Variants in FADS1 observed in about 807,000 individuals in gnomAD.
The protein encoded by FADS1 is fatty acid desaturase 1, also known as acyl-CoA (8-3)-desaturase.
In FADS1, 17 loss-of-function variants were observed where a neutral mutation model predicts 61.6. The observed-to-expected ratio is 0.28, with a 90% CI of 0.19 to 0.41. The LOEUF (loss-of-function observed/expected upper bound fraction) is 0.41, where lower values mean the gene tolerates loss of function less well. Among genes scored for constraint, FADS1 ranks in the 10% least tolerant of loss-of-function variants. The probability of loss-of-function intolerance (pLI) is 1.00; values close to 1 mark genes in which losing one functional copy is unlikely to be tolerated. For missense variants in FADS1, 387 were observed against 650.9 expected, an observed-to-expected ratio of 0.59 and a Z score of 4.41; for synonymous variants, 238 against 258.7, an observed-to-expected ratio of 0.92 and a Z score of 0.77.
chr11:61,810,689 C>T, intron 5 of FADS1, 62 bp downstream of exon 5: 3 of 1,597,940 alleles, frequency 1.9e-6, no homozygotes, highest in Non-Finnish European at 2.6e-6. Context: ...GCATCTTCCC[C>T]AACTCCCCTA....
At position 61,802,609 on chromosome 11, in the gene FADS1, A is replaced by T. The variant is rs2066864134; in HGVS notation, c.1455-147T>A. The T allele has an allele frequency of 8.3e-7, 1 of 1,210,520 alleles. No individual in the cohort carries two copies. Among genetic ancestry groups the T allele is most frequent in the Non-Finnish European group, 1.2e-6 (1 of 849,074 alleles). The allele number at this position is 1,210,520 out of a possible 1,614,324, so 75.0% of individuals were successfully genotyped here. A position where few individuals can be genotyped will look rare whatever the true frequency, so the allele number is the denominator to read the frequency against. On this transcript the variant is annotated intron_variant, in intron 11 of 11. Transcript: ENST00000350997. The surrounding 1 kb of genome is among the most constrained non-coding windows in gnomAD (Gnocchi z 4.2). ...AAAGCTAGCTTGGGCCATGGTACTG[A>T]GGGGAACCCCAATGAGGGCAAAGGC...
intron 3 of FADS1, 38 bp from the exon 4 acceptor site, chr11:61,811,113 G>T (rs1293619342): frequency 1.3e-6 from 2 of 1,525,322 alleles, no homozygotes; most frequent in Middle Eastern, 3.4e-4. Context: ...CAGCCCACCA[G>T]CCCCAGTGTC....
intron 1 of FADS1, chr11:61,813,593 C>A: frequency 1.9e-6 from 1 of 517,692 alleles, no homozygotes; most frequent in Non-Finnish European, 3.4e-6. Context: ...GACCAATCAG[C>A]ACCCTGTAAA....
At chr11:61,811,197 G>A (rs886877555) in intron 3 of FADS1, 122 bp from the exon 4 acceptor site, 3 of 694,844 alleles carry the variant, frequency 4.3e-6, no homozygotes, top group South Asian at 1.7e-5. Context: ...ATGCACCTCA[G>A]GAGTCAGGAA....
chr11:61,805,127 C>A, intron 6 of FADS1: 1 of 389,972 alleles, frequency 2.6e-6, no homozygotes, highest in Non-Finnish European at 4.6e-6. Context: ...CTCCAAGGAT[C>A]CCACACTTTT....
chr11:61,802,098 C>A lies in FADS1; in HGVS notation c.*313G>T. ...TCCTGACTCTGGGTTCAGTAGGTCCCTCCTCTTCTGTTACCCTCCTGGTTC... is the reference window on the plus strand; with the variant it reads ...TCCTGACTCTGGGTTCAGTAGGTCCATCCTCTTCTGTTACCCTCCTGGTTC... On this transcript the variant is annotated 3_prime_UTR_variant, in exon 12 of 12. Transcript: ENST00000350997. This position sits in a 1 kb window ranked among gnomAD's most constrained non-coding sequence, Gnocchi z 4.2. 1 of 342,342 alleles carries A rather than the reference C, an allele frequency of 2.9e-6. No homozygotes were observed. The highest frequency in any genetic ancestry group is 3.4e-5 in the South Asian group (1 of 29,172). The allele number at this position is 342,342 out of a possible 1,614,324, so 21.2% of individuals were successfully genotyped here. A position where few individuals can be genotyped will look rare whatever the true frequency, so the allele number is the denominator to read the frequency against.
intron 3 of FADS1, among the ~76,000 whole-genome samples, chr11:61,812,131 T>C (rs1404145335): frequency 6.6e-6 from 1 of 152,186 alleles, no homozygotes; most frequent in African/African-American, 2.4e-5. Context: ...ATTATTAACA[T>C]ATTGGGCAAT....
chr11:61,803,232 G>T lies in FADS1; in HGVS notation c.1249-121C>A. On this transcript the variant is annotated intron_variant, in intron 9 of 11. Coordinates refer to ENST00000350997, the MANE Select transcript of FADS1 (RefSeq NM_013402.7). The surrounding 1 kb of genome is among the most constrained non-coding windows in gnomAD (Gnocchi z 4.3). ...ACTGTCTTGGTCACTCCCTTCACAT[G>T]GTTGCAGAACAAGAGCCTCAGGCTA... 2 of 1,244,834 alleles carry T rather than the reference G, an allele frequency of 1.6e-6. No individual in the cohort carries two copies. Among genetic ancestry groups the T allele is most frequent in the Non-Finnish European group, 2.4e-6 (2 of 848,796 alleles). 77.1% of individuals were successfully genotyped at this position (1,244,834 alleles called of 1,614,324 possible). A position where few individuals can be genotyped will look rare whatever the true frequency, so the allele number is the denominator to read the frequency against.
Position 61,815,066 on chromosome 11 carries a change from G to T in FADS1, c.375+1489C>A. The T allele has an allele frequency of 6.4e-6, 1 of 156,272 alleles. No individual in the cohort carries two copies. The allele number at this position is 156,272 out of a possible 1,614,324, so 9.7% of individuals were successfully genotyped here. Reference sequence around the variant, plus strand: ...CACTCTGGCCACCCCCTGCCCCAAGGCAGCTACTTTGGGTTGTGCAAGGTA... The same window carrying T: ...CACTCTGGCCACCCCCTGCCCCAAGTCAGCTACTTTGGGTTGTGCAAGGTA... On this transcript the variant is annotated intron_variant, in intron 1 of 11. Transcript: ENST00000350997. This position sits in a 1 kb window ranked among gnomAD's most constrained non-coding sequence, Gnocchi z 6.4.
chr11:61,810,743 C>A lies in FADS1; in HGVS notation c.915+8G>T, dbSNP rs1163450771. On this transcript the variant is annotated splice_region_variant and intron_variant, in intron 5 of 11. Coordinates refer to ENST00000350997, the MANE Select transcript of FADS1 (RefSeq NM_013402.7). Reference sequence around the variant, plus strand: ...CCCCAAGACCTTTCCACTGATACCTCCACGCACCTCCACAGAGAGGATCTT... The same window carrying A: ...CCCCAAGACCTTTCCACTGATACCTACACGCACCTCCACAGAGAGGATCTT... 3 of 1,614,066 alleles carry A rather than the reference C, an allele frequency of 1.9e-6. No homozygotes were observed. Among genetic ancestry groups the A allele is most frequent in the Non-Finnish European group, 2.5e-6 (3 of 1,180,006 alleles).
chr11:61,809,475 G>A (rs1168648738), intron 5 of FADS1, among the ~76,000 whole-genome samples: 1 of 152,148 alleles, frequency 6.6e-6, no homozygotes, highest in Non-Finnish European at 1.5e-5. Context: ...CCAAGTAGCT[G>A]GGACCACAGG....
At chr11:61,813,552 C>G (rs1378201121) in intron 1 of FADS1, 199 bp from the exon 2 acceptor site, 1 of 571,798 alleles carries the variant, frequency 1.7e-6, no homozygotes, top group East Asian at 2.9e-5. Context: ...ATGCACCAAT[C>G]CGTGCTCTTT....
rs1421460755 is a variant in FADS1, at chr11:61,815,509, T to G, written c.375+1046A>C. On this transcript the variant is annotated intron_variant, in intron 1 of 11. Transcript: ENST00000350997. This position sits in a 1 kb window ranked among gnomAD's most constrained non-coding sequence, Gnocchi z 6.4. ...ACGCCAGGGTAGTGGATAGGGACAGTGGAGGGCATCACGCTGCAGGGCACG... is the reference window on the plus strand; with the variant it reads ...ACGCCAGGGTAGTGGATAGGGACAGGGGAGGGCATCACGCTGCAGGGCACG... 6.6e-6 allele frequency: 1 copy of G among 151,964 alleles called. No homozygotes were observed. Among genetic ancestry groups the G allele is most frequent in the Non-Finnish European group, 1.5e-5 (1 of 68,080 alleles). 9.4% of individuals were successfully genotyped at this position (151,964 alleles called of 1,614,324 possible). A position where few individuals can be genotyped will look rare whatever the true frequency, so the allele number is the denominator to read the frequency against.
Position 61,813,703 on chromosome 11 carries a change from C to T in FADS1, c.376-350G>A, listed in dbSNP as rs562292767. The stretch of plus-strand genomic sequence containing the variant: ...GCTCCCGGCCGGGCGCGGTGGCTCA[C>T]GCCTGTAATCCCAGCACTTTGGGAG... On this transcript the variant is annotated intron_variant, in intron 1 of 11. Coordinates refer to ENST00000350997, the MANE Select transcript of FADS1 (RefSeq NM_013402.7). The T allele has an allele frequency of 5.0e-5, 10 of 200,434 alleles. No individual in the cohort carries two copies. In the South Asian group the frequency reaches 9.2e-4, roughly 18 times the overall value. 12.4% of individuals were successfully genotyped at this position (200,434 alleles called of 1,614,324 possible).
chr11:61,808,888 T>C (rs967811274), intron 5 of FADS1, among the ~76,000 whole-genome samples: 3 of 152,232 alleles, frequency 2.0e-5, no homozygotes, highest in African/African-American at 7.2e-5. Context: ...TCTGTGATTA[T>C]ACCTACCCTC....
At chr11:61,806,365 A>AT in intron 6 of FADS1, 2 of 318,910 alleles carry the variant, frequency 6.3e-6, no homozygotes, top group Non-Finnish European at 1.2e-5. Context: ...AAAAAAAAAA[A>AT]GATAAGGTTG....
chr11:61,816,810 G>A lies in FADS1; in HGVS notation c.120C>T (p.Ser40=), dbSNP rs921458805. 1.3e-6 allele frequency: 2 copies of A among 1,495,568 alleles called. No homozygotes were observed. Among genetic ancestry groups the A allele is most frequent in the Admixed American group, 4.8e-5 (2 of 41,786 alleles). 92.6% of individuals were successfully genotyped at this position (1,495,568 alleles called of 1,614,324 possible). A position where few individuals can be genotyped will look rare whatever the true frequency, so the allele number is the denominator to read the frequency against. The change falls in exon 1 of 12, where the codon AGC becomes AGT. Residue 40 remains serine, a synonymous_variant. Transcript: ENST00000350997. The surrounding 1 kb of genome is among the most constrained non-coding windows in gnomAD (Gnocchi z 7.0). ...GGCCAGCAGGGGCTGTCAGGCGCGT[G>A]CTCGGGGTCCGCGGGCTCCAGGAGT... ...QIHSWSPRTP[S]TRLTAPAGPA...
At chr11:61,810,559 G>A (rs1187187303) in intron 5 of FADS1, among the ~76,000 whole-genome samples, 192 bp downstream of exon 5, 1 of 152,138 alleles carries the variant, frequency 6.6e-6, no homozygotes, top group Non-Finnish European at 1.5e-5. Flanking sequence ...CTCTAGGGAG[G>A]ATGGTGACTC....
intron 1 of FADS1, chr11:61,814,688 T>G (rs1374785656): frequency 6.6e-6 from 1 of 152,234 alleles, no homozygotes; most frequent in African/African-American, 2.4e-5. Flanking sequence ...TTGTCTTAGT[T>G]GTCCCTGCCC....
Sources: allele counts gnomAD v4.1 joint callset (sites outside exome capture counted in the v4.1 genomes callset), GRCh38; gene constraint gnomAD v4.1.1; non-coding constraint Gnocchi (gnomAD v3.1); transcripts MANE v1.5; gene names NCBI Gene and HGNC (gene_info 2026-07-23, HGNC 2026-07-21).